Variants in GPR158 observed in about 807,000 individuals in gnomAD.
The protein encoded by GPR158 is metabotropic glycine receptor.
GPR158 carries 30 observed loss-of-function variants against 78.2 expected under a neutral mutation model. That is an observed-to-expected ratio of 0.38 (90% confidence interval 0.29 to 0.52). The LOEUF is 0.52. Among genes scored for constraint, GPR158 ranks in the 20% least tolerant of loss-of-function variants. The pLI, the probability that GPR158 is intolerant of heterozygous loss-of-function variation, is 0.83. For missense variants in GPR158, 1,463 were observed against 1,523.5 expected, an observed-to-expected ratio of 0.96 and a Z score of 0.66; for synonymous variants, 581 against 591.1, an observed-to-expected ratio of 0.98 and a Z score of 0.25.
intron 2 of GPR158, among the ~76,000 whole-genome samples, chr10:25,361,700 A>G (rs1214745185): frequency 6.6e-6 from 1 of 151,942 alleles, no homozygotes; most frequent in Admixed American, 6.6e-5. Context: ...CCATTAAGCA[A>G]GCATCTCTTT....
At chr10:25,205,933 T>TCTCC (rs1853021641) in intron 1 of GPR158, among the ~76,000 whole-genome samples, 2 of 151,976 alleles carry the variant, frequency 1.3e-5, no homozygotes, top group Admixed American at 6.6e-5. Context: ...GTTCTATAGA[T>TCTCC]ATTTGTTCAG....
At chr10:25,485,922 G>A (rs1424863018) in intron 5 of GPR158, among the ~76,000 whole-genome samples, 3 of 152,080 alleles carry the variant, frequency 2.0e-5, no homozygotes, top group African/African-American at 4.8e-5. Flanking sequence ...AGGCATGATG[G>A]TGGGGCCCTT....
At chr10:25,298,852 T>A (rs1463967057) in intron 2 of GPR158, among the ~76,000 whole-genome samples, 1 of 152,214 alleles carries the variant, frequency 6.6e-6, no homozygotes, top group Non-Finnish European at 1.5e-5. Flanking sequence ...TCAATAAAGT[T>A]GCTAAAAAGA....
chr10:25,263,586 T>C (rs1853998632), intron 2 of GPR158, among the ~76,000 whole-genome samples: 1 of 152,200 alleles, frequency 6.6e-6, no homozygotes, highest in African/African-American at 2.4e-5. Flanking sequence ...TTAAAAAAAA[T>C]CTGCTGTGTG....
At chr10:25,177,956 C>T (rs1852561959) in intron 1 of GPR158, among the ~76,000 whole-genome samples, 1 of 152,198 alleles carries the variant, frequency 6.6e-6, no homozygotes, top group Non-Finnish European at 1.5e-5. Context: ...CTTTGCCATA[C>T]TGTTTGCTCA....
At chr10:25,442,058 CTG>C (rs2130589840) in intron 4 of GPR158, among the ~76,000 whole-genome samples, 1 of 152,196 alleles carries the variant, frequency 6.6e-6, no homozygotes, top group Non-Finnish European at 1.5e-5. Flanking sequence ...TTTAAAATGT[CTG>C]TGAATGTAGA....
chr10:25,427,473 A>C (rs531843044), intron 4 of GPR158, among the ~76,000 whole-genome samples: 2 of 152,118 alleles, frequency 1.3e-5, no homozygotes, highest in Non-Finnish European at 2.9e-5. Context: ...TGGTTGGACC[A>C]TAATAGTTTC....
At chr10:25,570,363 G>C (rs1275535854) in intron 6 of GPR158, among the ~76,000 whole-genome samples, 1 of 152,168 alleles carries the variant, frequency 6.6e-6, no homozygotes, top group East Asian at 1.9e-4. Flanking sequence ...TTACTCACCA[G>C]TCTTTTTGAA....
intron 2 of GPR158, among the ~76,000 whole-genome samples, chr10:25,394,935 C>T (rs536152492): frequency 6.6e-5 from 10 of 152,152 alleles, no homozygotes; most frequent in African/African-American, 2.4e-4. Flanking sequence ...TTCTTAAATT[C>T]ACTAGATTCT....
At chr10:25,207,112 C>G (rs146844765) in intron 1 of GPR158, among the ~76,000 whole-genome samples, 2,423 of 152,158 alleles carry the variant, frequency 0.016, 35 homozygotes, top group Non-Finnish European at 0.026. Flanking sequence ...GAAATCTGCT[C>G]TTTGTCTGGG....
intron 3 of GPR158, among the ~76,000 whole-genome samples, chr10:25,405,892 A>G (rs1199483022): frequency 6.6e-6 from 1 of 152,212 alleles, no homozygotes; most frequent in East Asian, 1.9e-4. Context: ...TTAGTGACCT[A>G]CAAGATCCCA....
intron 2 of GPR158, among the ~76,000 whole-genome samples, chr10:25,260,821 ATT>A (rs1222499599): frequency 6.6e-6 from 1 of 151,920 alleles, no homozygotes; most frequent in Admixed American, 6.6e-5. Flanking sequence ...ATTTCTCTGG[ATT>A]TTTGCTTTCT....
intron 2 of GPR158, among the ~76,000 whole-genome samples, chr10:25,321,036 A>C (rs1203692078): frequency 1.3e-5 from 2 of 152,208 alleles, no homozygotes; most frequent in Non-Finnish European, 2.9e-5. Flanking sequence ...TGGATGGTCT[A>C]AGTGGACTTA....
Position 25,371,226 on chromosome 10 carries a change from T to G in GPR158, c.1009-24685T>G, listed in dbSNP as rs563866614. The stretch of plus-strand genomic sequence containing the variant: ...TCCTGTCATTATGATGTTAGCTGGT[T>G]ATTTTGCTCATTAGTTGATGCAGTT... On this transcript the variant is annotated intron_variant, in intron 2 of 10. Transcript: ENST00000376351. Among the ~76,000 whole-genome samples, 21 of 151,466 alleles carry G rather than the reference T, an allele frequency of 1.4e-4. No homozygotes were observed. The South Asian group carries it at 2.1e-3, about 15-fold the overall frequency.
intron 5 of GPR158, among the ~76,000 whole-genome samples, chr10:25,501,488 C>T (rs1962802173): frequency 6.6e-6 from 1 of 152,164 alleles, no homozygotes; most frequent in Admixed American, 6.5e-5. Context: ...CTAAGGCAGG[C>T]TCATGTTTTC....
Position 25,596,754 on chromosome 10 carries a change from T to A in GPR158, c.2110T>A (p.Trp704Arg), listed in dbSNP as rs767061963. 1 of 1,613,856 alleles carries A rather than the reference T, an allele frequency of 6.2e-7. No individual in the cohort carries two copies. The highest frequency in any genetic ancestry group is 8.5e-7 in the Non-Finnish European group (1 of 1,179,818). The change falls in exon 10 of 11, where the codon TGG becomes AGG. Residue 704 changes from tryptophan (W) to arginine (R), a missense_variant. Trp to Arg is a moderately radical substitution (Grantham distance 101). Transcript: ENST00000376351. ...SYLNSSINSA[W>R]SEHSLDPEDI... ...CCTGAACAGCAGTATCAATTCAGCC[T>A]GGAGTGAGCACAGCTTGGATCCAGA... is the stretch of plus-strand genomic sequence containing the variant.
chr10:25,421,005 T>A (rs1036081208), intron 4 of GPR158, among the ~76,000 whole-genome samples: 4 of 152,220 alleles, frequency 2.6e-5, no homozygotes, highest in Non-Finnish European at 5.9e-5. Flanking sequence ...AAACTATTGC[T>A]GGGATTTTGA....
chr10:25,196,606 T>A (rs1852848167), intron 1 of GPR158, among the ~76,000 whole-genome samples: 1 of 152,244 alleles, frequency 6.6e-6, no homozygotes, highest in Non-Finnish European at 1.5e-5. Flanking sequence ...CCTCAACAGA[T>A]CTCTGCCTTG....
intron 1 of GPR158, among the ~76,000 whole-genome samples, chr10:25,190,590 C>G (rs1418541789): frequency 2.0e-5 from 3 of 152,122 alleles, no homozygotes; most frequent in African/African-American, 7.2e-5. Context: ...ATCAGCCTCC[C>G]AAAGTGTTGG....
Sources: gnomAD v4.1 joint callset for allele counts (sites outside exome capture counted in the v4.1 genomes callset) on GRCh38, gnomAD v4.1.1 for gene constraint, MANE v1.5 for transcripts, NCBI Gene and HGNC (gene_info 2026-07-23, HGNC 2026-07-21) for gene names.